The following PCDH10 variants were observed in gnomAD, a reference collection of about 807,000 sequenced individuals.
The protein encoded by PCDH10 is protocadherin-10.
PCDH10 carries 15 observed loss-of-function variants against 74.4 expected under a neutral mutation model. That is an observed-to-expected ratio of 0.20 (90% confidence interval 0.13 to 0.31). The LOEUF (loss-of-function observed/expected upper bound fraction) is 0.31. Ranked by LOEUF, PCDH10 falls within the 10% of genes least tolerant of loss-of-function variation. The pLI, the probability that PCDH10 is intolerant of heterozygous loss-of-function variation, is 1.00. For synonymous variants in PCDH10, 619 were observed against 589.8 expected (o/e 1.05, Z -0.72); for missense variants, 1,260 against 1,390.2 (o/e 0.91, Z 1.49).
Position 133,152,380 on chromosome 4 carries a change from A to C in PCDH10, c.2240A>C (p.Asn747Thr), listed in dbSNP as rs756952632. 3 of 1,614,196 alleles carry C rather than the reference A, an allele frequency of 1.9e-6. No homozygotes were observed. The South Asian group carries it at 3.3e-5, about 18-fold the overall frequency. Residue 747 changes from asparagine to threonine, a missense_variant, in exon 1 of 5, where the codon AAC becomes ACC. Transcript: ENST00000264360. ...CGTTGCCAAAAAGAGAAGAAGCTCA[A>C]CATCTATACTTGTCTGGCCAGCGAT... is the stretch of plus-strand genomic sequence containing the variant. ...AVRCQKEKKL[N>T]IYTCLASDCC... is the part of the protein sequence containing the mutation.
intron 4 of PCDH10, among the ~76,000 whole-genome samples, chr4:133,178,333 T>C (rs1727336829): frequency 6.6e-6 from 1 of 152,054 alleles, no homozygotes; most frequent in Non-Finnish European, 1.5e-5. Context: ...GCCTCCCGGA[T>C]TCAAGCGATT....
chr4:133,165,202 T>A (rs981272008), intron 4 of PCDH10, among the ~76,000 whole-genome samples: 20 of 151,004 alleles, frequency 1.3e-4, no homozygotes, highest in Non-Finnish European at 2.8e-4. Context: ...TGGGTTGACG[T>A]GTGACCTGTG....
intron 4 of PCDH10, among the ~76,000 whole-genome samples, chr4:133,173,357 A>G (rs1225398730): frequency 6.6e-6 from 1 of 152,036 alleles, no homozygotes; most frequent in East Asian, 1.9e-4. Context: ...GGAGAGCAGA[A>G]AAGAGGAAAT....
chr4:133,190,803 T>C lies in PCDH10; in HGVS notation c.*643T>C, dbSNP rs1727650799. 6.6e-6 allele frequency: 1 copy of C among 151,438 alleles called. No homozygotes were observed. Among genetic ancestry groups the C allele is most frequent in the Admixed American group, 6.6e-5 (1 of 15,080 alleles). 9.4% of individuals were successfully genotyped at this position (151,438 alleles called of 1,614,324 possible). A position where few individuals can be genotyped will look rare whatever the true frequency, so the allele number is the denominator to read the frequency against. On this transcript the variant is annotated 3_prime_UTR_variant, in exon 5 of 5. Transcript: ENST00000264360. ...TTTCCTAAAATGTGGTACAACTCAG[T>C]TGGTTTTTAAATGGATGCATACAGT... is the stretch of plus-strand genomic sequence containing the variant.
Position 133,199,787 on chromosome 4 carries a change from CTATTAT to C in PCDH10, n.438-8269_438-8264del, listed in dbSNP as rs200419038. On this transcript the variant is annotated intron_variant and non_coding_transcript_variant, in intron 2 of 2. Transcript: ENST00000511112. ...ATTATTATTATTATTATTATTATTA[CTATTAT>C]TATTATTATTATTATTATTTTCAAG... Among the ~76,000 whole-genome samples the C allele has an allele frequency of 1.5e-3, 208 of 135,694 alleles. 1 individual carries two copies. Among genetic ancestry groups the C allele is most frequent in the African/African-American group, 5.8e-3 (195 of 33,344 alleles). 89.0% of individuals were successfully genotyped at this position (135,694 alleles called of 152,430 possible).
chr4:133,162,949 A>C (rs1239294587), intron 3 of PCDH10, 28 bp from the exon 4 acceptor site: 1 of 1,572,424 alleles, frequency 6.4e-7, no homozygotes, highest in Non-Finnish European at 8.7e-7. Context: ...TGAAGACTAC[A>C]TCCGTAGTTT....
At chr4:133,180,855 T>C (rs963088400) in intron 4 of PCDH10, among the ~76,000 whole-genome samples, 1 of 151,846 alleles carries the variant, frequency 6.6e-6, no homozygotes, top group South Asian at 2.1e-4. Flanking sequence ...AATTAGAATG[T>C]AATTAAATAA....
intron 4 of PCDH10, among the ~76,000 whole-genome samples, chr4:133,165,223 T>C (rs1727053601): frequency 6.6e-6 from 1 of 151,152 alleles, no homozygotes; most frequent in Non-Finnish European, 1.5e-5. Flanking sequence ...GTGGAAAATT[T>C]GCAGAAGAAT....
chr4:133,165,374 A>G (rs902831091), intron 4 of PCDH10, among the ~76,000 whole-genome samples: 5 of 151,380 alleles, frequency 3.3e-5, no homozygotes, highest in African/African-American at 1.2e-4. Context: ...AAATTACACC[A>G]TGACTCTGAC....
intron 4 of PCDH10, among the ~76,000 whole-genome samples, chr4:133,170,070 A>C (rs1727171601): frequency 6.6e-6 from 1 of 151,988 alleles, no homozygotes; most frequent in Non-Finnish European, 1.5e-5. Context: ...GACCTACTTC[A>C]ATTTAGGTGA....
chr4:133,174,881 G>A (rs1411982681), intron 4 of PCDH10, among the ~76,000 whole-genome samples: 3 of 149,660 alleles, frequency 2.0e-5, no homozygotes, highest in Non-Finnish European at 4.5e-5. Flanking sequence ...GCTTATATTA[G>A]AATTATTTTT....
At chr4:133,183,898 T>A (rs918244161) in intron 4 of PCDH10, among the ~76,000 whole-genome samples, 6 of 152,202 alleles carry the variant, frequency 3.9e-5, no homozygotes, top group African/African-American at 1.4e-4. Context: ...TTTGAAATTA[T>A]ACATTTTATT....
chr4:133,161,854 A>T (rs1462985235), intron 3 of PCDH10, among the ~76,000 whole-genome samples: 1 of 152,052 alleles, frequency 6.6e-6, no homozygotes, highest in Non-Finnish European at 1.5e-5. Context: ...ATAGGTTGAG[A>T]TTGCTTTGGC....
In PCDH10 at chr4:133,163,236, T is replaced by G; in HGVS notation, c.3057T>G (p.Asp1019Glu). 1 of 1,614,084 alleles carries G rather than the reference T, an allele frequency of 6.2e-7. No individual in the cohort carries two copies. The highest frequency in any genetic ancestry group is 8.5e-7 in the Non-Finnish European group (1 of 1,179,992). Residue 1019 changes from aspartate to glutamate, a missense_variant, in exon 4 of 5, where the codon GAT becomes GAG. Transcript: ENST00000264360. ...GCACTCTGGAGAGGAAGGAGCTGGA[T>G]GGACTGCTGACTAATACGCGAGCGC... Reference protein sequence around the residue: ...LHSTLERKELDGLLTNTRAPY... With the variant: ...LHSTLERKELEGLLTNTRAPY...
At chr4:133,178,393 C>T (rs941080107) in intron 4 of PCDH10, among the ~76,000 whole-genome samples, 1 of 151,832 alleles carries the variant, frequency 6.6e-6, no homozygotes, top group African/African-American at 2.4e-5. Flanking sequence ...TGCACCACCA[C>T]GACCGGCTAA....
chr4:133,187,096 A>G (rs1447764205), intron 4 of PCDH10, among the ~76,000 whole-genome samples: 1 of 152,150 alleles, frequency 6.6e-6, no homozygotes, highest in African/African-American at 2.4e-5. Flanking sequence ...AACTTTAGTA[A>G]TAGTATAAAC....
At chr4:133,179,831 C>T (rs1174638903) in intron 4 of PCDH10, among the ~76,000 whole-genome samples, 1 of 151,988 alleles carries the variant, frequency 6.6e-6, no homozygotes, top group East Asian at 1.9e-4. Flanking sequence ...TTATAGACTA[C>T]ATCAATGAGT....
At chr4:133,187,404 G>A (rs1448690418) in intron 4 of PCDH10, among the ~76,000 whole-genome samples, 1 of 152,030 alleles carries the variant, frequency 6.6e-6, no homozygotes, top group Admixed American at 6.6e-5. Flanking sequence ...AGCATCCTTC[G>A]ATTTTGGGGG....
At chr4:133,197,357 T>A (rs1037586965), downstream of PCDH10, among the ~76,000 whole-genome samples, 1 of 152,184 alleles carries the variant, frequency 6.6e-6, no homozygotes, top group African/African-American at 2.4e-5. Flanking sequence ...TCAATAGAAT[T>A]GAATTTTAAA....
Sources: allele counts gnomAD v4.1 joint callset (sites outside exome capture counted in the v4.1 genomes callset), GRCh38; gene constraint gnomAD v4.1.1; transcripts MANE v1.5; gene names NCBI Gene and HGNC (gene_info 2026-07-23, HGNC 2026-07-21).